TKFC: variants seen among roughly 807,000 people sequenced by gnomAD.
TKFC encodes triokinase and FMN cyclase, also known as triokinase/FMN cyclase.
A neutral mutation model predicts 61.0 loss-of-function variants in TKFC; 46 were observed. The ratio of observed to expected loss-of-function variants is 0.75; its 90% CI spans 0.60 to 0.96. TKFC has a LOEUF of 0.96. TKFC is among the 50% of genes least tolerant of loss of function. TKFC has a pLI of 0.00. For synonymous variants in TKFC, 314 were observed against 330.1 expected, an observed-to-expected ratio of 0.95 and a Z score of 0.53; for missense variants, 715 against 777.5, an observed-to-expected ratio of 0.92 and a Z score of 0.96.
In TKFC at chr11:61,342,853, T is replaced by C. The variant is rs745974169; in HGVS notation, c.865+9T>C. On this transcript the variant is annotated intron_variant, in intron 10 of 17. Coordinates refer to ENST00000394900, the MANE Select transcript of TKFC (RefSeq NM_015533.4). ...TACCGTCCGCTCCCTGGGTGAGCCA[T>C]GCACTGGGAAGGGGATCCTACAGCC... is the stretch of plus-strand genomic sequence containing the variant. 3 of 1,613,522 alleles carry C rather than the reference T, an allele frequency of 1.9e-6. No homozygotes were observed. The highest frequency in any genetic ancestry group is 1.1e-5 in the South Asian group (1 of 91,062).
chr11:61,345,546 G>A lies in TKFC; in HGVS notation c.1432G>A (p.Gly478Ser), dbSNP rs778063775. 6.5e-5 allele frequency: 105 copies of A among 1,612,956 alleles called. No individual in the cohort carries two copies. The highest frequency in any genetic ancestry group is 1.2e-4 in the Admixed American group (7 of 60,008). ...AGCCTGGTCTGCTGCCATGGATGCC[G>A]GCCTGGAAGCCATGCAGAAGTGAGC... ...LPAWSAAMDAGLEAMQKYGKA... is the reference protein window; with the variant it reads ...LPAWSAAMDASLEAMQKYGKA... Residue 478 changes from glycine (G) to serine (S), a missense_variant, in exon 15 of 18, where the codon GGC becomes AGC. Gly to Ser is a moderately conservative substitution (Grantham distance 56). Coordinates refer to ENST00000394900, the MANE Select transcript of TKFC (RefSeq NM_015533.4).
intron 11 of TKFC, 143 bp from the exon 12 acceptor site, chr11:61,343,713 C>A: frequency 8.1e-7 from 1 of 1,238,856 alleles, no homozygotes; most frequent in Non-Finnish European, 1.1e-6. Flanking sequence ...AGTAGGCACT[C>A]AGTCCATGCT....
chr11:61,345,825 G>T, intron 16 of TKFC, 32 bp from the exon 17 acceptor site: 2 of 1,614,104 alleles, frequency 1.2e-6, no homozygotes, highest in East Asian at 2.2e-5. Context: ...TGCAGGGCCC[G>T]TGCTCAGCCC....
Position 61,339,352 on chromosome 11 carries a change from G to A in TKFC, c.403G>A (p.Val135Met). ...ARAEGIPVEM[V>M]VIGDDSAFTV... The stretch of plus-strand genomic sequence containing the variant: ...GGCTGAAGGCATCCCGGTGGAGATG[G>A]TGGTGATTGGGGACGACAGCGCCTT... The change falls in exon 5 of 18, where the codon GTG (valine) becomes ATG (methionine). Residue 135 changes from valine to methionine, a missense_variant. Transcript: ENST00000394900. 1.2e-6 allele frequency: 2 copies of A among 1,613,780 alleles called. No homozygotes were observed. The highest frequency in any genetic ancestry group is 4.5e-5 in the East Asian group (2 of 44,884).
chr11:61,345,475 TC>T lies in TKFC; in HGVS notation c.1363del (p.Leu455Ter). On this transcript the variant is annotated frameshift_variant, in exon 15 of 18. Transcript: ENST00000394900. LOFTEE classifies it high-confidence loss of function. Reference protein sequence around the residue: ...GGSSGALYGLFLTAAAQPLKA... With the variant: ...GGSSGALYGLXLTAAAQPLKA... Reference sequence around the variant, plus strand: ...CATCTTCCCCAGCTCTATGGCCTGTTCCTGACTGCGGCTGCACAGCCCCTGA... The same window carrying T: ...CATCTTCCCCAGCTCTATGGCCTGTTCTGACTGCGGCTGCACAGCCCCTGA... The T allele has an allele frequency of 2.5e-6, 4 of 1,613,412 alleles. No homozygotes were observed. Among genetic ancestry groups the T allele is most frequent in the Non-Finnish European group, 3.4e-6 (4 of 1,180,012 alleles).
chr11:61,334,849 C>T (rs1856538246), intron 2 of TKFC, 118 bp downstream of exon 2: 3 of 1,447,050 alleles, frequency 2.1e-6, no homozygotes, highest in Middle Eastern at 1.7e-4. Flanking sequence ...TCCTGAGGCT[C>T]ACGGGTGAAG....
downstream of TKFC, chr11:61,352,275 C>T (rs7940261): frequency 0.96 from 145,780 of 152,498 alleles, 69,973 homozygotes; most frequent in East Asian, 1. Context: ...TGTGTGCCCT[C>T]GGGTAAGTTA....
rs78597470 is a variant in TKFC, at chr11:61,343,548, G to A, written c.982+90G>A. 0.017 allele frequency: 21,010 copies of A among 1,210,594 alleles called. 1,472 individuals are homozygous for A. In the African/African-American group the frequency reaches 0.19, roughly 11 times the overall value. 75.0% of individuals were successfully genotyped at this position (1,210,594 alleles called of 1,614,324 possible). A position where few individuals can be genotyped will look rare whatever the true frequency, so the allele number is the denominator to read the frequency against. ...CTTGGAGACCCCGTCAGGGCTGACCGTGACAATCAGGGCTCTGGAGCCTGT... is the reference window on the plus strand; with the variant it reads ...CTTGGAGACCCCGTCAGGGCTGACCATGACAATCAGGGCTCTGGAGCCTGT... On this transcript the variant is annotated intron_variant, in intron 11 of 17. Transcript: ENST00000394900.
At position 61,347,817 on chromosome 11, in the gene TKFC, C is replaced by T. The variant is rs1455488358; in HGVS notation, c.*1314C>T. ...TGTAAAATCAGAATGGTACCCACCT[C>T]ATGGGGACATGAAAGGATTCAAATG... On this transcript the variant is annotated 3_prime_UTR_variant, in exon 18 of 18. Transcript: ENST00000394900. 3.1e-6 allele frequency: 3 copies of T among 974,750 alleles called. No homozygotes were observed. The highest frequency in any genetic ancestry group is 1.8e-5 in the African/African-American group (1 of 57,032). The allele number at this position is 974,750 out of a possible 1,614,324, so 60.4% of individuals were successfully genotyped here.
In TKFC at chr11:61,339,445, C is replaced by T. The variant is rs538530023; in HGVS notation, c.486+10C>T. 19 of 1,598,474 alleles carry T rather than the reference C, an allele frequency of 1.2e-5. No homozygotes were observed. The highest frequency in any genetic ancestry group is 1.5e-5 in the Non-Finnish European group (18 of 1,171,536). On this transcript the variant is annotated intron_variant, in intron 5 of 17. Coordinates refer to ENST00000394900, the MANE Select transcript of TKFC (RefSeq NM_015533.4). ...GGTGCTTATACACAAGGTGGGCTTC[C>T]ACCGGGGACGTGGAGACTGGCCAGC...
chr11:61,344,416 T>C, intron 13 of TKFC, 143 bp downstream of exon 13: 1 of 1,197,962 alleles, frequency 8.3e-7, no homozygotes, highest in Non-Finnish European at 1.1e-6. Flanking sequence ...GGCTGGAGTA[T>C]GCAATGGTGT....
At chr11:61,349,318 T>A, downstream of TKFC, 1 of 518,470 alleles carries the variant, frequency 1.9e-6, no homozygotes, top group Non-Finnish European at 3.5e-6. Flanking sequence ...CCTCTGAAGG[T>A]GGCAGTGGCT....
chr11:61,342,137 C>A (rs1197137103), intron 7 of TKFC, among the ~76,000 whole-genome samples: 2 of 152,300 alleles, frequency 1.3e-5, no homozygotes, highest in African/African-American at 4.8e-5. Flanking sequence ...TGCCCACCTC[C>A]TAGCCTTTGC....
downstream of TKFC, chr11:61,351,258 T>C (rs1187526550): frequency 3.3e-6 from 4 of 1,210,006 alleles, no homozygotes; most frequent in Non-Finnish European, 4.4e-6. Context: ...CGGGTCCATA[T>C]GTGATCTAGA....
rs1857201168 is a variant in TKFC at position 61,347,640 on chromosome 11, G to A, written c.*1137G>A. 2.0e-6 allele frequency: 2 copies of A among 985,296 alleles called. No homozygotes were observed. The highest frequency in any genetic ancestry group is 4.7e-5 in the South Asian group (1 of 21,294). The allele number at this position is 985,296 out of a possible 1,614,324, so 61.0% of individuals were successfully genotyped here. The stretch of plus-strand genomic sequence containing the variant: ...ACCAGGGTGAGCAGGGGCACTGTAT[G>A]CATGTGGAGACAAACAGCACATGCC... On this transcript the variant is annotated 3_prime_UTR_variant, in exon 18 of 18. Coordinates refer to ENST00000394900, the MANE Select transcript of TKFC (RefSeq NM_015533.4).
At chr11:61,340,328 T>TATGGTCTA (rs774804590) in intron 5 of TKFC, among the ~76,000 whole-genome samples, 583 of 38,098 alleles carry the variant, frequency 0.015, 283 homozygotes, top group Admixed American at 0.038. Flanking sequence ...GCCTTCCTCT[T>TATGGTCTA]TTTTTTTTTT....
chr11:61,339,196 G>C lies in TKFC; in HGVS notation c.304+20G>C. ...GCACAGGTAAGCCTGGCATGCAGGAGGGGCTGCGGCAGGGAGGGCACAGTA... is the reference window on the plus strand; with the variant it reads ...GCACAGGTAAGCCTGGCATGCAGGACGGGCTGCGGCAGGGAGGGCACAGTA... On this transcript the variant is annotated intron_variant, in intron 4 of 17. Coordinates refer to ENST00000394900, the MANE Select transcript of TKFC (RefSeq NM_015533.4). The C allele has an allele frequency of 2.5e-6, 4 of 1,612,888 alleles. No homozygotes were observed. Among genetic ancestry groups the C allele is most frequent in the Non-Finnish European group, 1.7e-6 (2 of 1,179,388 alleles).
Position 61,347,622 on chromosome 11 carries a change from T to A in TKFC, c.*1119T>A. On this transcript the variant is annotated 3_prime_UTR_variant, in exon 18 of 18. Transcript: ENST00000394900. ...AGAGCGATCACTGATGGCACCAGGG[T>A]GAGCAGGGGCACTGTATGCATGTGG... The A allele has an allele frequency of 2.0e-6, 2 of 983,250 alleles. No individual in the cohort carries two copies. Among genetic ancestry groups the A allele is most frequent in the Non-Finnish European group, 2.4e-6 (2 of 829,832 alleles). 60.9% of individuals were successfully genotyped at this position (983,250 alleles called of 1,614,324 possible). A position where few individuals can be genotyped will look rare whatever the true frequency, so the allele number is the denominator to read the frequency against.
chr11:61,353,096 A>C, downstream of TKFC: 1 of 1,613,516 alleles, frequency 6.2e-7, no homozygotes, highest in Non-Finnish European at 8.5e-7. Flanking sequence ...GCGCAGCCAC[A>C]TGGACGCCCA....
Sources: allele counts gnomAD v4.1 joint callset (sites outside exome capture counted in the v4.1 genomes callset), GRCh38; gene constraint gnomAD v4.1.1; transcripts MANE v1.5; gene names NCBI Gene and HGNC (gene_info 2026-07-23, HGNC 2026-07-21).